HEATR4: variants seen among roughly 807,000 people sequenced by gnomAD.
The protein encoded by HEATR4 is HEAT repeat-containing protein 4.
A neutral mutation model predicts 108.8 loss-of-function variants in HEATR4; 95 were observed. That is an observed-to-expected ratio of 0.87 (90% confidence interval 0.74 to 1.04). The LOEUF is 1.04. HEATR4 is among the 50% of genes least tolerant of loss of function. The probability of loss-of-function intolerance (pLI) is 0.00; values close to 1 mark genes in which losing one functional copy is unlikely to be tolerated. For synonymous variants in HEATR4, 443 were observed against 459.4 expected, an observed-to-expected ratio of 0.96 and a Z score of 0.46; for missense variants, 1,152 against 1,253.8, an observed-to-expected ratio of 0.92 and a Z score of 1.23.
intron 1 of HEATR4, among the ~76,000 whole-genome samples, chr14:73,538,462 A>G (rs34239207): frequency 0.054 from 5,995 of 111,986 alleles, 1,500 homozygotes; most frequent in African/African-American, 0.17. Flanking sequence ...AAATACAAAA[A>G]ATTAGCCGGG....
At chr14:73,564,085 G>T in the HEATR4 span, among the ~76,000 whole-genome samples, 4 of 151,784 alleles carry the variant, frequency 2.6e-5, no homozygotes. Flanking sequence ...CAGATTACAA[G>T]GTCAGGAGTT....
At chr14:73,595,314 T>G in the HEATR4 span, 30 of 1,614,082 alleles carry the variant, frequency 1.9e-5, no homozygotes, top group Admixed American at 4.2e-4. Context: ...CCCAGCATGA[T>G]TCCAATAGAG....
chr14:73,498,374 G>C, intron 13 of HEATR4, 30 bp from the exon 14 acceptor site: 2 of 1,545,406 alleles, frequency 1.3e-6, no homozygotes, highest in Non-Finnish European at 1.8e-6. Flanking sequence ...GCATGTCACT[G>C]AAGACTGAGC....
rs536882531 is a variant in HEATR4 at position 73,542,922 on chromosome 14, C to G, written c.-151-12678G>C. 2.0e-6 allele frequency: 2 copies of G among 1,011,732 alleles called. 1 individual carries two copies. The highest frequency in any genetic ancestry group is 3.4e-5 in the South Asian group (2 of 58,690). 62.7% of individuals were successfully genotyped at this position (1,011,732 alleles called of 1,614,324 possible). On this transcript the variant is annotated intron_variant, in intron 1 of 17. Coordinates refer to ENST00000553558, the MANE Select transcript of HEATR4 (RefSeq NM_001220484.1). Reference sequence around the variant, plus strand: ...GAGGGGAGGTAAATTCCCAAAGCTGCAAATCTGGGTAAATGGTAGAACCCA... The same window carrying G: ...GAGGGGAGGTAAATTCCCAAAGCTGGAAATCTGGGTAAATGGTAGAACCCA...
At chr14:73,585,453 G>C in the HEATR4 span, among the ~76,000 whole-genome samples, 1 of 152,134 alleles carries the variant, frequency 6.6e-6, no homozygotes, top group Non-Finnish European at 1.5e-5. Context: ...GGGAGGCTGA[G>C]GTGGGCGGAT....
chr14:73,532,051 A>T (rs1396748984), intron 1 of HEATR4, among the ~76,000 whole-genome samples: 1 of 114,052 alleles, frequency 8.8e-6, no homozygotes, highest in Non-Finnish European at 1.9e-5. Flanking sequence ...AAAATAAAAA[A>T]ACCCTCTAGA....
chr14:73,499,635 T>C (rs1450548181), intron 12 of HEATR4, among the ~76,000 whole-genome samples: 3 of 152,216 alleles, frequency 2.0e-5, no homozygotes, highest in Admixed American at 1.3e-4. Flanking sequence ...GTGAGTACAT[T>C]AGCTGAATTA....
At chr14:73,577,367 T>G in the HEATR4 span, among the ~76,000 whole-genome samples, 1 of 136,210 alleles carries the variant, frequency 7.3e-6, no homozygotes, top group African/African-American at 2.8e-5. Flanking sequence ...GCTGGTGCCA[T>G]GTCTCCAAAC....
chr14:73,514,236 T>C lies in HEATR4; in HGVS notation c.1211-2A>G. Reference sequence around the variant, plus strand: ...GGGCTCCTTGCACAGGTCTGTAAGCTGTGCAACGTGGCAGTGTGAGGTCTT... The same window carrying C: ...GGGCTCCTTGCACAGGTCTGTAAGCCGTGCAACGTGGCAGTGTGAGGTCTT... On this transcript the variant is annotated splice_acceptor_variant, in intron 5 of 17. Coordinates refer to ENST00000553558, the MANE Select transcript of HEATR4 (RefSeq NM_001220484.1). LOFTEE classifies it high-confidence loss of function. The C allele has an allele frequency of 1.9e-6, 3 of 1,613,700 alleles. No individual in the cohort carries two copies. The highest frequency in any genetic ancestry group is 1.7e-6 in the Non-Finnish European group (2 of 1,179,740).
the HEATR4 span, among the ~76,000 whole-genome samples, chr14:73,572,745 A>T: frequency 6.8e-6 from 1 of 147,930 alleles, no homozygotes; most frequent in African/African-American, 2.5e-5. Flanking sequence ...TCCCGGGTTC[A>T]AGCGATTCTC....
intron 6 of HEATR4, among the ~76,000 whole-genome samples, chr14:73,513,728 CAAAAAAA>C (rs747778891): frequency 4.3e-5 from 2 of 46,758 alleles, no homozygotes; most frequent in African/African-American, 7.6e-5. Context: ...ACTACGTCTC[CAAAAAAA>C]AAAAAAAAAA....
At chr14:73,589,231 ATCCC>A in the HEATR4 span, among the ~76,000 whole-genome samples, 1 of 152,118 alleles carries the variant, frequency 6.6e-6, no homozygotes, top group Non-Finnish European at 1.5e-5. Context: ...CCAACTATTC[ATCCC>A]TCCCTCCCCA....
At chr14:73,619,311 G>A in the HEATR4 span, 1 of 1,613,554 alleles carries the variant, frequency 6.2e-7, no homozygotes, top group Non-Finnish European at 8.5e-7. Flanking sequence ...CTTTCTTGAA[G>A]GGCATCACAG....
chr14:73,598,514 G>A, the HEATR4 span, among the ~76,000 whole-genome samples: 5 of 152,180 alleles, frequency 3.3e-5, no homozygotes, highest in South Asian at 4.1e-4. Flanking sequence ...GTCATAGAAC[G>A]CCGTGAGGAT....
chr14:73,552,124 C>T (rs1396494271), intron 1 of HEATR4, among the ~76,000 whole-genome samples: 1 of 114,294 alleles, frequency 8.7e-6, no homozygotes, highest in African/African-American at 2.8e-5. Flanking sequence ...AATAAACTTC[C>T]ACTCTGCTCT....
Position 73,491,380 on chromosome 14 carries a change from C to T in HEATR4, c.2844+1686G>A, listed in dbSNP as rs773655622. On this transcript the variant is annotated intron_variant, in intron 17 of 17. Transcript: ENST00000553558. Reference sequence around the variant, plus strand: ...GCTCCCTGCAGACCCCGTCGGCGCGCCTGGTGCCCGCTTCCGCGCCGCCCG... The same window carrying T: ...GCTCCCTGCAGACCCCGTCGGCGCGTCTGGTGCCCGCTTCCGCGCCGCCCG... 13 of 1,356,114 alleles carry T rather than the reference C, an allele frequency of 9.6e-6. No individual in the cohort carries two copies. The South Asian group carries it at 2.5e-4, about 26-fold the overall frequency. 84.0% of individuals were successfully genotyped at this position (1,356,114 alleles called of 1,614,324 possible).
At chr14:73,508,076 G>T in intron 9 of HEATR4, 58 bp downstream of exon 9, 1 of 1,497,320 alleles carries the variant, frequency 6.7e-7, no homozygotes, top group South Asian at 1.2e-5. Flanking sequence ...TACATTCACT[G>T]ACCTCAAAGA....
the HEATR4 span, chr14:73,592,484 A>G: frequency 7.0e-7 from 1 of 1,424,564 alleles, no homozygotes; most frequent in Non-Finnish European, 9.2e-7. Context: ...TCCAGTGCTG[A>G]TTTAGCACTG....
At chr14:73,612,781 C>A in the HEATR4 span, 1 of 1,368,496 alleles carries the variant, frequency 7.3e-7, no homozygotes, top group Non-Finnish European at 9.4e-7. Context: ...CGCTGGGAGG[C>A]AGCTTCGCGG....
Sources: allele counts gnomAD v4.1 joint callset (sites outside exome capture counted in the v4.1 genomes callset), GRCh38; gene constraint gnomAD v4.1.1; transcripts MANE v1.5; gene names NCBI Gene and HGNC (gene_info 2026-07-23, HGNC 2026-07-21).